TMEM232: variants seen among roughly 807,000 people sequenced by gnomAD.
The protein encoded by TMEM232 is transmembrane protein 232.
In TMEM232, 80 loss-of-function variants were observed where a neutral mutation model predicts 78.8. The ratio of observed to expected loss-of-function variants is 1.01; its 90% CI spans 0.85 to 1.22. The LOEUF is 1.22. TMEM232 is among the 50% of genes most tolerant of loss of function. The probability of loss-of-function intolerance (pLI) is 0.00; values close to 1 mark genes in which losing one functional copy is unlikely to be tolerated. For synonymous variants in TMEM232, 297 were observed against 254.3 expected, an observed-to-expected ratio of 1.17 and a Z score of -1.60; for missense variants, 881 against 742.2, an observed-to-expected ratio of 1.19 and a Z score of -2.17.
chr5:110,523,967 G>GA lies in TMEM232; in HGVS notation c.1703+4620_1703+4621insT, dbSNP rs1491438592. Among the ~76,000 whole-genome samples, 112 of 27,470 alleles carry GA rather than the reference G, an allele frequency of 4.1e-3. 1 individual carries two copies. Among genetic ancestry groups the GA allele is most frequent in the African/African-American group, 0.016 (107 of 6,670 alleles). 18.0% of individuals were successfully genotyped at this position (27,470 alleles called of 152,430 possible). ...AAGACTTGGTTTAAAAAAAAAAAAA[G>GA]GGGGGGGGGCGGGGGGGCTGGGCCT... On this transcript the variant is annotated intron_variant, in intron 12 of 13. Coordinates refer to ENST00000455884, the MANE Select transcript of TMEM232 (RefSeq NM_001039763.4).
Position 110,597,766 on chromosome 5 carries a change from G to C in TMEM232, c.1276+7343C>G, listed in dbSNP as rs1337250081. ...CTGAGAAAAACAAGCAATGGGGAAA[G>C]GATTCCCTATTTAATAAATGGTGCT... On this transcript the variant is annotated intron_variant, in intron 10 of 13. Transcript: ENST00000455884. Among the ~76,000 whole-genome samples the C allele has an allele frequency of 2.0e-5, 3 of 151,982 alleles. No homozygotes were observed. The East Asian group carries it at 5.8e-4, about 29-fold the overall frequency.
downstream of TMEM232, among the ~76,000 whole-genome samples, chr5:110,416,320 T>C (rs1756209157): frequency 6.6e-6 from 1 of 152,244 alleles, no homozygotes; most frequent in Non-Finnish European, 1.5e-5. Context: ...GTTTCATGAC[T>C]CTACCTTCCT....
intron 12 of TMEM232, among the ~76,000 whole-genome samples, chr5:110,525,435 A>G (rs2149517863): frequency 6.6e-6 from 1 of 152,112 alleles, no homozygotes; most frequent in Non-Finnish European, 1.5e-5. Context: ...TTTGGAGCAA[A>G]AATTAATTTA....
At chr5:110,708,085 G>A (rs150514280) in intron 1 of TMEM232, among the ~76,000 whole-genome samples, 95 of 152,242 alleles carry the variant, frequency 6.2e-4, no homozygotes, top group African/African-American at 2.1e-3. Flanking sequence ...CAGTACACTT[G>A]CAGTTATGGT....
chr5:110,569,598 G>T (rs1278484538), intron 10 of TMEM232, among the ~76,000 whole-genome samples: 1 of 151,792 alleles, frequency 6.6e-6, no homozygotes, highest in Non-Finnish European at 1.5e-5. Flanking sequence ...AAACCCTGGT[G>T]ACAGTCCATT....
chr5:110,719,839 C>T (rs926920231), intron 1 of TMEM232, among the ~76,000 whole-genome samples: 4 of 152,100 alleles, frequency 2.6e-5, no homozygotes, highest in Non-Finnish European at 5.9e-5. Flanking sequence ...TTCTGTGTTA[C>T]ATGCCAGCCC....
intron 10 of TMEM232, among the ~76,000 whole-genome samples, chr5:110,575,698 G>T (rs965041110): frequency 6.6e-6 from 1 of 151,946 alleles, no homozygotes; most frequent in Non-Finnish European, 1.5e-5. Flanking sequence ...CAACCAGGGA[G>T]CAACATGGAG....
chr5:110,403,010 C>T (rs1412898781), intron 2 of TMEM232, among the ~76,000 whole-genome samples: 1 of 151,980 alleles, frequency 6.6e-6, no homozygotes, highest in African/African-American at 2.4e-5. Context: ...AAAAATAAGA[C>T]AACAAGAAAT....
chr5:110,688,092 G>GAT (rs1252248446), intron 1 of TMEM232, among the ~76,000 whole-genome samples: 3 of 52,442 alleles, frequency 5.7e-5, no homozygotes, highest in African/African-American at 1.7e-4. Flanking sequence ...ACTCTGAGGG[G>GAT]ATGTGTGTGT....
chr5:110,608,066 C>T (rs1376288469), intron 8 of TMEM232, among the ~76,000 whole-genome samples: 2 of 152,006 alleles, frequency 1.3e-5, no homozygotes, highest in East Asian at 3.9e-4. Context: ...AATTGATGCA[C>T]TTAACATGAT....
chr5:110,465,476 G>T (rs1761974697), intron 12 of TMEM232, among the ~76,000 whole-genome samples: 1 of 152,254 alleles, frequency 6.6e-6, no homozygotes, highest in East Asian at 1.9e-4. Flanking sequence ...CATTATATGG[G>T]TGTGAAAGTA....
chr5:110,463,768 T>C (rs1036415570), intron 12 of TMEM232, among the ~76,000 whole-genome samples: 1 of 152,190 alleles, frequency 6.6e-6, no homozygotes, highest in Non-Finnish European at 1.5e-5. Context: ...AACAGTCTTC[T>C]CTAATTTCAC....
At chr5:110,507,039 G>T (rs1766989156) in intron 12 of TMEM232, among the ~76,000 whole-genome samples, 1 of 152,110 alleles carries the variant, frequency 6.6e-6, no homozygotes, top group Non-Finnish European at 1.5e-5. Context: ...AGCCAGGGGT[G>T]TAAGAATTTA....
chr5:110,448,631 A>G (rs985709390), intron 12 of TMEM232, among the ~76,000 whole-genome samples: 1 of 152,018 alleles, frequency 6.6e-6, no homozygotes, highest in South Asian at 2.1e-4. Flanking sequence ...TATATATTAT[A>G]GTTTTAAAAT....
intron 11 of TMEM232, among the ~76,000 whole-genome samples, chr5:110,552,786 A>G (rs940140179): frequency 7.3e-5 from 11 of 151,578 alleles, no homozygotes; most frequent in Non-Finnish European, 1.6e-4. Flanking sequence ...TAAGAGAATG[A>G]AAACCTATTC....
chr5:110,589,611 T>C (rs1483580764), intron 10 of TMEM232, among the ~76,000 whole-genome samples: 3 of 152,104 alleles, frequency 2.0e-5, no homozygotes, highest in Admixed American at 6.6e-5. Context: ...TTATACTTCT[T>C]TGGACAAATA....
At chr5:110,524,363 A>AAAAGAAAGAAAGAAAGAAAG (rs756039290) in intron 12 of TMEM232, among the ~76,000 whole-genome samples, 1 of 120,346 alleles carries the variant, frequency 8.3e-6, no homozygotes, top group Non-Finnish European at 1.7e-5. Flanking sequence ...AAGAAAGAAA[A>AAAAGAAAGAAAGAAAGAAAG]AAAGAAAGAA....
intron 1 of TMEM232, among the ~76,000 whole-genome samples, chr5:110,686,059 A>G (rs184382350): frequency 5.3e-4 from 80 of 152,170 alleles, no homozygotes; most frequent in African/African-American, 1.9e-3. Flanking sequence ...TCAAAACTCA[A>G]TGAAACAGAT....
intron 12 of TMEM232, among the ~76,000 whole-genome samples, chr5:110,524,563 A>C (rs1007383404): frequency 5.9e-5 from 9 of 152,154 alleles, no homozygotes; most frequent in African/African-American, 1.7e-4. Context: ...TTGTGACCTA[A>C]CATGTGATCT....
Sources: allele counts gnomAD v4.1 joint callset (sites outside exome capture counted in the v4.1 genomes callset), GRCh38; gene constraint gnomAD v4.1.1; transcripts MANE v1.5; gene names NCBI Gene and HGNC (gene_info 2026-07-23, HGNC 2026-07-21).